The following EXOC4 variants were observed in gnomAD, a reference collection of about 807,000 sequenced individuals.
The protein encoded by EXOC4 is exocyst complex component 4.
Under a neutral mutation model 107.2 loss-of-function variants are expected in EXOC4, and 71 were observed. The ratio of observed to expected loss-of-function variants is 0.66; its 90% CI spans 0.55 to 0.81. The LOEUF (loss-of-function observed/expected upper bound fraction) is 0.81, where lower values mean the gene tolerates loss of function less well. EXOC4 is among the 30% of genes least tolerant of loss of function. The pLI is 0.00. For missense variants in EXOC4, 1,108 were observed against 1,189.6 expected, an observed-to-expected ratio of 0.93 and a Z score of 1.01; for synonymous variants, 456 against 441.2, an observed-to-expected ratio of 1.03 and a Z score of -0.42.
chr7:133,579,779 C>T lies in EXOC4; in HGVS notation c.1418-50266C>T, dbSNP rs191165741. Among the ~76,000 whole-genome samples, 10 of 152,028 alleles carry T rather than the reference C, an allele frequency of 6.6e-5. No homozygotes were observed. The South Asian group carries it at 1.0e-3, about 16-fold the overall frequency. ...TCAGCTCTCTGCAACCTCCGCCTCC[C>T]GGGTTCAAGTGATCCTCCTGCTTCA... On this transcript the variant is annotated intron_variant, in intron 9 of 17. Coordinates refer to ENST00000253861, the MANE Select transcript of EXOC4 (RefSeq NM_021807.4).
chr7:133,780,955 T>C (rs1338306427), intron 10 of EXOC4, among the ~76,000 whole-genome samples: 1 of 152,180 alleles, frequency 6.6e-6, no homozygotes, highest in African/African-American at 2.4e-5. Context: ...TATGTTGCGC[T>C]TCATGGTGAC....
chr7:133,646,821 A>T (rs1003395739), intron 10 of EXOC4, among the ~76,000 whole-genome samples: 1 of 152,208 alleles, frequency 6.6e-6, no homozygotes, highest in African/African-American at 2.4e-5. Context: ...TGCAATCAGG[A>T]AACCCCTCTA....
chr7:133,816,193 A>G (rs1256928702), intron 10 of EXOC4, among the ~76,000 whole-genome samples: 1 of 152,220 alleles, frequency 6.6e-6, no homozygotes, highest in Non-Finnish European at 1.5e-5. Context: ...TGTGGTGACT[A>G]CACTGTGGTA....
chr7:133,286,232 C>A (rs1256829181), intron 2 of EXOC4, among the ~76,000 whole-genome samples: 1 of 152,066 alleles, frequency 6.6e-6, no homozygotes. Flanking sequence ...TGGAGATTTC[C>A]TCAAGGATAC....
At chr7:133,480,011 T>G in intron 8 of EXOC4, 39 bp from the exon 9 acceptor site, 2 of 1,556,048 alleles carry the variant, frequency 1.3e-6, no homozygotes, top group Non-Finnish European at 1.8e-6. Flanking sequence ...CTTAATTGGT[T>G]TACACCTGCT....
At chr7:134,095,532 A>G in the EXOC4 span, among the ~76,000 whole-genome samples, 3 of 152,328 alleles carry the variant, frequency 2.0e-5, no homozygotes, top group East Asian at 5.8e-4. Flanking sequence ...AAGCAAAAAG[A>G]ACAAAGCCAG....
chr7:134,067,202 G>T (rs142661576), downstream of EXOC4, among the ~76,000 whole-genome samples: 1,006 of 150,510 alleles, frequency 6.7e-3, 11 homozygotes, highest in African/African-American at 0.023. Flanking sequence ...TTACCAGAAG[G>T]GGTGCTGGAA....
At position 133,883,858 on chromosome 7, in the gene EXOC4, A is replaced by G. The variant is rs76074394; in HGVS notation, c.1735-11741A>G. ...GCCTTTTGCAAGTCATCTTAGTAAA[A>G]ACAGGACACATTCATAACAGTTTAA... is the stretch of plus-strand genomic sequence containing the variant. On this transcript the variant is annotated intron_variant, in intron 11 of 17. Transcript: ENST00000253861. Among the ~76,000 whole-genome samples the G allele has an allele frequency of 2.4e-3, 365 of 152,310 alleles. 5 individuals are homozygous for G. The highest frequency in any genetic ancestry group is 8.2e-3 in the African/African-American group (341 of 41,580).
Position 134,004,954 on chromosome 7 carries a change from G to C in EXOC4, c.2391G>C (p.Gly797=). The part of the protein sequence containing the change: ...FHYLIPLAKE[G]NYAIVANVES... ...ATCTTATCCCTCTTGCAAAGGAGGG[G>C]AACTATGCCATTGTGGCTAATGTGG... Residue 797 remains glycine (G), a synonymous_variant, in exon 16 of 18, where the codon GGG becomes GGC. Coordinates refer to ENST00000253861, the MANE Select transcript of EXOC4 (RefSeq NM_021807.4). 1.9e-6 allele frequency: 3 copies of C among 1,613,460 alleles called. No homozygotes were observed. Among genetic ancestry groups the C allele is most frequent in the Non-Finnish European group, 2.5e-6 (3 of 1,179,590 alleles).
intron 9 of EXOC4, among the ~76,000 whole-genome samples, chr7:133,581,720 T>C (rs56242632): frequency 0.063 from 8,093 of 128,694 alleles, 304 homozygotes; most frequent in Middle Eastern, 0.086. Flanking sequence ...ATAGCGCCAC[T>C]GCAGTCCAGC....
chr7:133,663,665 C>T (rs1389724569), intron 10 of EXOC4, among the ~76,000 whole-genome samples: 1 of 152,102 alleles, frequency 6.6e-6, no homozygotes, highest in South Asian at 2.1e-4. Context: ...AGCAACCCAT[C>T]AGCATGTCCT....
intron 3 of EXOC4, among the ~76,000 whole-genome samples, chr7:133,299,465 A>C (rs1794595278): frequency 6.6e-6 from 1 of 152,212 alleles, no homozygotes; most frequent in Non-Finnish European, 1.5e-5. Flanking sequence ...GGCAGAATGC[A>C]CTGATGTTTA....
chr7:133,911,227 G>A (rs1799688324), intron 12 of EXOC4, among the ~76,000 whole-genome samples: 1 of 152,100 alleles, frequency 6.6e-6, no homozygotes. Flanking sequence ...TTCTCCTATG[G>A]AATAATTTTT....
At chr7:134,005,140 A>C (rs1794616973) in intron 16 of EXOC4, 50 bp downstream of exon 16, 1 of 1,550,910 alleles carries the variant, frequency 6.4e-7, no homozygotes, top group Non-Finnish European at 8.7e-7. Context: ...AAAGGATGAA[A>C]GTTTTCCTGA....
chr7:133,943,396 G>C (rs1287934321), intron 14 of EXOC4, among the ~76,000 whole-genome samples: 1 of 152,178 alleles, frequency 6.6e-6, no homozygotes, highest in African/African-American at 2.4e-5. Flanking sequence ...AAGGGAAAAG[G>C]TTTTGTGATC....
intron 10 of EXOC4, among the ~76,000 whole-genome samples, chr7:133,788,029 A>G (rs1796625440): frequency 8.5e-6 from 1 of 117,910 alleles, no homozygotes; most frequent in Admixed American, 9.8e-5. Flanking sequence ...TTCTAGAGGA[A>G]AGGGAGCTTG....
intron 5 of EXOC4, among the ~76,000 whole-genome samples, chr7:133,333,163 A>G (rs942547862): frequency 2.6e-5 from 4 of 152,162 alleles, no homozygotes; most frequent in African/African-American, 9.7e-5. Flanking sequence ...ATGTATTTCT[A>G]TATTCATTAA....
chr7:133,824,206 T>A (rs889750921), intron 11 of EXOC4, among the ~76,000 whole-genome samples: 5 of 151,466 alleles, frequency 3.3e-5, no homozygotes, highest in Admixed American at 6.6e-5. Flanking sequence ...AAACATGCCC[T>A]CTCCTTCCTA....
intron 7 of EXOC4, among the ~76,000 whole-genome samples, chr7:133,424,241 G>A (rs147023062): frequency 1.8e-4 from 28 of 152,108 alleles, no homozygotes; most frequent in East Asian, 9.7e-4. Flanking sequence ...GGTGCCTGCC[G>A]CCTTTATGAG....
Sources: allele counts gnomAD v4.1 joint callset (sites outside exome capture counted in the v4.1 genomes callset), GRCh38; gene constraint gnomAD v4.1.1; transcripts MANE v1.5; gene names NCBI Gene and HGNC (gene_info 2026-07-23, HGNC 2026-07-21).